GLIS3: variants seen among roughly 807,000 people sequenced by gnomAD.
The protein encoded by GLIS3 is GLIS family zinc finger 3, also known as zinc finger protein GLIS3.
A neutral mutation model predicts 78.6 loss-of-function variants in GLIS3; 53 were observed. The observed-to-expected ratio is 0.67, with a 90% CI of 0.54 to 0.85. GLIS3 has a LOEUF of 0.85. Ranked by LOEUF, GLIS3 falls within the 40% of genes least tolerant of loss-of-function variation. The probability of loss-of-function intolerance (pLI) is 0.00; values close to 1 mark genes in which losing one functional copy is unlikely to be tolerated. For missense variants in GLIS3, 1,703 were observed against 1,231.1 expected (o/e 1.38, Z -5.74); for synonymous variants, 684 against 509.9 (o/e 1.34, Z -4.60).
chr9:4,187,643 C>A (rs1817933687), intron 2 of GLIS3, among the ~76,000 whole-genome samples: 1 of 152,150 alleles, frequency 6.6e-6, no homozygotes, highest in South Asian at 2.1e-4. Context: ...GAATGTTCTT[C>A]CATTTGTTTG....
chr9:4,262,055 A>G (rs1825582268), intron 2 of GLIS3, among the ~76,000 whole-genome samples: 1 of 152,168 alleles, frequency 6.6e-6, no homozygotes, highest in African/African-American at 2.4e-5. Context: ...TAAAACAGCA[A>G]TGAATGGCTA....
intron 8 of GLIS3, among the ~76,000 whole-genome samples, chr9:3,864,570 G>A (rs937065245): frequency 4.6e-5 from 7 of 152,206 alleles, no homozygotes; most frequent in African/African-American, 1.7e-4. Context: ...AACCAGAGAA[G>A]ATGTCAAAAG....
At chr9:4,322,191 C>T (rs1817539620) in intron 2 of GLIS3, among the ~76,000 whole-genome samples, 1 of 152,162 alleles carries the variant, frequency 6.6e-6, no homozygotes, top group African/African-American at 2.4e-5. Context: ...ATCCATGTCC[C>T]TACAAAGGAC....
chr9:4,004,317 G>A lies in GLIS3; in HGVS notation c.1711-67128C>T, dbSNP rs77203829. Reference sequence around the variant, plus strand: ...TTTGGTAGGTCAATAGAGAAGGACCGTTCTCAGTAAAGAAAATAACAGATT... The same window carrying A: ...TTTGGTAGGTCAATAGAGAAGGACCATTCTCAGTAAAGAAAATAACAGATT... On this transcript the variant is annotated intron_variant, in intron 4 of 10. Transcript: ENST00000381971. Among the ~76,000 whole-genome samples the A allele has an allele frequency of 4.0e-3, 615 of 152,266 alleles. 3 individuals are homozygous for A. The highest frequency in any genetic ancestry group is 0.014 in the African/African-American group (585 of 41,542).
chr9:4,393,771 T>G, the GLIS3 span, among the ~76,000 whole-genome samples: 10 of 152,326 alleles, frequency 6.6e-5, no homozygotes, highest in Middle Eastern at 3.4e-3. Context: ...AGGAGGTACA[T>G]TATGTTAGTT....
chr9:4,026,154 A>C (rs1304958932), intron 4 of GLIS3, among the ~76,000 whole-genome samples: 1 of 152,232 alleles, frequency 6.6e-6, no homozygotes. Context: ...TTATAAATGC[A>C]CAGGTATTCA....
the GLIS3 span, among the ~76,000 whole-genome samples, chr9:4,405,918 C>G: frequency 8.5e-5 from 13 of 152,202 alleles, no homozygotes; most frequent in Non-Finnish European, 1.8e-4. Flanking sequence ...GTTCAACATA[C>G]GTCCATCAAT....
At chr9:3,896,838 C>T (rs1322754138) in intron 7 of GLIS3, among the ~76,000 whole-genome samples, 1 of 151,980 alleles carries the variant, frequency 6.6e-6, no homozygotes, top group East Asian at 1.9e-4. Context: ...ATGGCTGGAG[C>T]AACTTAGGTA....
chr9:4,090,451 G>GT (rs143342965), intron 4 of GLIS3, among the ~76,000 whole-genome samples: 16,016 of 150,352 alleles, frequency 0.11, 958 homozygotes, highest in Non-Finnish European at 0.14. Flanking sequence ...GGGACTTAAA[G>GT]TTTAAAAAAA....
chr9:3,983,120 G>A (rs1354302822), intron 4 of GLIS3, among the ~76,000 whole-genome samples: 1 of 152,158 alleles, frequency 6.6e-6, no homozygotes, highest in Non-Finnish European at 1.5e-5. Flanking sequence ...ATGGTGAGAG[G>A]TGACTGAATT....
intron 4 of GLIS3, among the ~76,000 whole-genome samples, chr9:4,041,929 C>G (rs988231257): frequency 3.9e-5 from 6 of 152,138 alleles, no homozygotes; most frequent in African/African-American, 1.4e-4. Context: ...TGATATGACT[C>G]TGCTTTAGTG....
intron 4 of GLIS3, among the ~76,000 whole-genome samples, chr9:4,050,164 C>CA (rs111691389): frequency 0.038 from 5,752 of 152,016 alleles, 358 homozygotes; most frequent in African/African-American, 0.13. Context: ...TTTATTGCGG[C>CA]CTATTCACCA....
chr9:4,117,709 C>G (rs1484226611), intron 4 of GLIS3, 59 bp downstream of exon 4: 3 of 1,603,164 alleles, frequency 1.9e-6, no homozygotes, highest in Non-Finnish European at 2.6e-6. Context: ...AAAAAACACA[C>G]GTACGCAAAG....
At chr9:4,133,570 G>C (rs1833137044) in intron 2 of GLIS3, among the ~76,000 whole-genome samples, 1 of 152,018 alleles carries the variant, frequency 6.6e-6, no homozygotes, top group African/African-American at 2.4e-5. Context: ...GTGTGACCTT[G>C]GACAAGTTAC....
At chr9:4,469,284 A>G in the GLIS3 span, among the ~76,000 whole-genome samples, 4 of 152,192 alleles carry the variant, frequency 2.6e-5, no homozygotes, top group Non-Finnish European at 4.4e-5. Context: ...CACCAAGCAG[A>G]CCTAATAGAC....
intron 9 of GLIS3, among the ~76,000 whole-genome samples, chr9:3,830,396 A>T (rs1314326457): frequency 1.3e-5 from 2 of 152,170 alleles, no homozygotes; most frequent in Non-Finnish European, 2.9e-5. Flanking sequence ...TTAGTTCCGT[A>T]CATTATTGGA....
chr9:4,278,730 G>A (rs561007775), intron 2 of GLIS3, among the ~76,000 whole-genome samples: 12 of 152,190 alleles, frequency 7.9e-5, no homozygotes, highest in East Asian at 1.9e-4. Flanking sequence ...GATTGTTGGA[G>A]GACAAGATAT....
At chr9:3,968,511 C>T (rs1818131970) in intron 4 of GLIS3, among the ~76,000 whole-genome samples, 1 of 151,968 alleles carries the variant, frequency 6.6e-6, no homozygotes, top group Non-Finnish European at 1.5e-5. Flanking sequence ...AAATGCTTAA[C>T]AGTGATATAT....
intron 2 of GLIS3, among the ~76,000 whole-genome samples, chr9:4,329,275 T>C (rs1817648299): frequency 1.3e-5 from 2 of 152,226 alleles, no homozygotes; most frequent in Non-Finnish European, 2.9e-5. Context: ...ACCTCGCATG[T>C]GTGTGTGCAG....
Sources: gnomAD v4.1 joint callset for allele counts (sites outside exome capture counted in the v4.1 genomes callset) on GRCh38, gnomAD v4.1.1 for gene constraint, MANE v1.5 for transcripts, NCBI Gene and HGNC (gene_info 2026-07-23, HGNC 2026-07-21) for gene names.